Variants in GRIK2 observed in about 807,000 individuals in gnomAD.
The protein encoded by GRIK2 is glutamate receptor ionotropic, kainate 2.
Under a neutral mutation model 100.3 loss-of-function variants are expected in GRIK2, and 32 were observed. The observed-to-expected ratio is 0.32, with a 90% CI of 0.24 to 0.43. The LOEUF (loss-of-function observed/expected upper bound fraction) is 0.43. GRIK2 is among the 20% of genes least tolerant of loss of function. The pLI, the probability that GRIK2 is intolerant of heterozygous loss-of-function variation, is 1.00. For missense variants in GRIK2, 843 were observed against 1,114.9 expected, an observed-to-expected ratio of 0.76 and a Z score of 3.47; for synonymous variants, 417 against 389.4, an observed-to-expected ratio of 1.07 and a Z score of -0.83.
intron 1 of GRIK2, among the ~76,000 whole-genome samples, chr6:101,398,535 T>A (rs1293527327): frequency 6.6e-6 from 1 of 152,242 alleles, no homozygotes; most frequent in Non-Finnish European, 1.5e-5. Flanking sequence ...AATTCCTCCG[T>A]CTTAGATCAC....
At chr6:101,620,445 A>AT (rs749467282) in intron 2 of GRIK2, among the ~76,000 whole-genome samples, 66 of 152,248 alleles carry the variant, frequency 4.3e-4, no homozygotes, top group Admixed American at 1.4e-3. Context: ...ATCAAATAAT[A>AT]TTTTTTATCT....
At chr6:101,936,540 C>T (rs1790629012) in intron 14 of GRIK2, among the ~76,000 whole-genome samples, 1 of 152,020 alleles carries the variant, frequency 6.6e-6, no homozygotes, top group Non-Finnish European at 1.5e-5. Flanking sequence ...GTTATTTTTA[C>T]TCCCAGAGGT....
chr6:101,763,800 A>G (rs7749469), intron 7 of GRIK2, among the ~76,000 whole-genome samples: 22,756 of 151,908 alleles, frequency 0.15, 2,748 homozygotes, highest in East Asian at 0.66. Context: ...TTAATTCTTA[A>G]TATTATTTGG....
intron 12 of GRIK2, among the ~76,000 whole-genome samples, chr6:101,897,931 G>A (rs1787577398): frequency 6.6e-6 from 1 of 151,820 alleles, no homozygotes; most frequent in African/African-American, 2.4e-5. Flanking sequence ...TGGGGTAAGA[G>A]TCCTTTCAAA....
intron 2 of GRIK2, among the ~76,000 whole-genome samples, chr6:101,475,726 T>C (rs1349069475): frequency 6.6e-6 from 1 of 151,976 alleles, no homozygotes; most frequent in Admixed American, 6.6e-5. Flanking sequence ...TTGGGTAGCA[T>C]ACGAAATGTC....
chr6:101,891,546 A>ATATTTT (rs1787098218), intron 12 of GRIK2: 1 of 372,108 alleles, frequency 2.7e-6, no homozygotes, highest in Non-Finnish European at 5.1e-6. Flanking sequence ...AAGGTGGATT[A>ATATTTT]TATTTTTATA....
chr6:101,754,477 C>A (rs1219018503), intron 7 of GRIK2, among the ~76,000 whole-genome samples: 1 of 152,154 alleles, frequency 6.6e-6, no homozygotes, highest in Non-Finnish European at 1.5e-5. Context: ...TGGGGCATTT[C>A]AATTATCTAC....
chr6:102,003,408 T>G (rs1582702169), intron 14 of GRIK2, among the ~76,000 whole-genome samples: 1 of 151,732 alleles, frequency 6.6e-6, no homozygotes, highest in Non-Finnish European at 1.5e-5. Context: ...CTCACTGATA[T>G]CACAACACCC....
At chr6:101,678,249 T>A (rs1212355864) in intron 5 of GRIK2, among the ~76,000 whole-genome samples, 1 of 152,170 alleles carries the variant, frequency 6.6e-6, no homozygotes, top group Non-Finnish European at 1.5e-5. Flanking sequence ...GAGAAGCCTG[T>A]CACCTTTAAA....
At chr6:101,801,134 A>G (rs544542758) in intron 8 of GRIK2, among the ~76,000 whole-genome samples, 2 of 152,010 alleles carry the variant, frequency 1.3e-5, no homozygotes, top group Non-Finnish European at 2.9e-5. Context: ...TTACTTGTGC[A>G]ATTTCACCTG....
At chr6:101,534,220 C>T (rs1296190939) in intron 2 of GRIK2, among the ~76,000 whole-genome samples, 4 of 151,610 alleles carry the variant, frequency 2.6e-5, no homozygotes, top group African/African-American at 9.7e-5. Context: ...AACTATGCAT[C>T]TCCTATTATG....
At chr6:102,064,767 T>C (rs17788820) in intron 16 of GRIK2, among the ~76,000 whole-genome samples, 1 of 151,144 alleles carries the variant, frequency 6.6e-6, no homozygotes, top group Non-Finnish European at 1.5e-5. Context: ...AATCAAGATA[T>C]GGAATTTGCC....
At chr6:101,932,430 C>T (rs1790348463) in intron 14 of GRIK2, among the ~76,000 whole-genome samples, 2 of 151,812 alleles carry the variant, frequency 1.3e-5, no homozygotes, top group South Asian at 4.1e-4. Context: ...TTTTTCATCC[C>T]CATCCACCTC....
intron 16 of GRIK2, among the ~76,000 whole-genome samples, chr6:102,058,348 A>G (rs1239359870): frequency 2.0e-5 from 3 of 151,658 alleles, no homozygotes; most frequent in African/African-American, 7.3e-5. Context: ...CTATCTATCT[A>G]TTTGTCTATC....
intron 12 of GRIK2, among the ~76,000 whole-genome samples, chr6:101,909,522 G>T (rs1788509456): frequency 6.6e-6 from 1 of 150,574 alleles, no homozygotes; most frequent in South Asian, 2.1e-4. Flanking sequence ...TTAAATAACT[G>T]ATAGCTCAAA....
Position 102,027,990 on chromosome 6 carries a change from A to G in GRIK2, c.2086-7351A>G, listed in dbSNP as rs1769791655. Among the ~76,000 whole-genome samples the G allele has an allele frequency of 2.6e-5, 4 of 151,258 alleles. No individual in the cohort carries two copies. In the South Asian group the frequency reaches 8.3e-4, roughly 31 times the overall value. ...ATTTAAAACAAAATTGCAAAGCACT[A>G]TTCTTACACTGATATTTTACCAGTT... On this transcript the variant is annotated intron_variant, in intron 14 of 16. Coordinates refer to ENST00000369134, the MANE Select transcript of GRIK2 (RefSeq NM_021956.5).
chr6:101,478,847 G>T (rs1772389791), intron 2 of GRIK2, among the ~76,000 whole-genome samples: 1 of 152,002 alleles, frequency 6.6e-6, no homozygotes. Flanking sequence ...CATCCATTTT[G>T]CCTCATTCCA....
At chr6:101,864,668 TA>T (rs1784939673) in intron 11 of GRIK2, among the ~76,000 whole-genome samples, 1 of 152,150 alleles carries the variant, frequency 6.6e-6, no homozygotes. Flanking sequence ...AAATTATTAT[TA>T]TGGTTAATGT....
intron 4 of GRIK2, among the ~76,000 whole-genome samples, chr6:101,644,186 T>G (rs377273804): frequency 8.6e-5 from 13 of 151,944 alleles, no homozygotes; most frequent in African/African-American, 2.9e-4. Context: ...TACAGTATGA[T>G]AAATGCTAAA....
Sources: gnomAD v4.1 joint callset for allele counts (sites outside exome capture counted in the v4.1 genomes callset) on GRCh38, gnomAD v4.1.1 for gene constraint, MANE v1.5 for transcripts, NCBI Gene and HGNC (gene_info 2026-07-23, HGNC 2026-07-21) for gene names.